CEP350: variants seen among roughly 807,000 people sequenced by gnomAD.
CEP350 encodes centrosomal protein 350, also known as centrosome-associated protein 350.
A neutral mutation model predicts 331.8 loss-of-function variants in CEP350; 126 were observed. The ratio of observed to expected loss-of-function variants is 0.38; its 90% CI spans 0.33 to 0.44. The LOEUF (loss-of-function observed/expected upper bound fraction) is 0.44, where lower values mean the gene tolerates loss of function less well. Among genes scored for constraint, CEP350 ranks in the 20% least tolerant of loss-of-function variants. CEP350 has a pLI of 1.00. For synonymous variants in CEP350, 1,200 were observed against 1,259.5 expected, an observed-to-expected ratio of 0.95 and a Z score of 1.00; for missense variants, 3,406 against 3,634.6, an observed-to-expected ratio of 0.94 and a Z score of 1.62.
rs568877290 is a variant in CEP350, at chr1:180,093,117, A to G, written c.7012A>G (p.Met2338Val). 28 of 1,602,442 alleles carry G rather than the reference A, an allele frequency of 1.7e-5. No homozygotes were observed. The South Asian group carries it at 3.1e-4, about 18-fold the overall frequency. The change falls in exon 34 of 38, where the codon ATG becomes GTG. Residue 2338 changes from methionine (M) to valine (V), a missense_variant. Met to Val is a conservative substitution (Grantham distance 21). Coordinates refer to ENST00000367607, the MANE Select transcript of CEP350 (RefSeq NM_014810.5). ...GAAAGAGAGACAGTCAGATCAAGAT[A>G]TGAATCATAGTCCAAACATCCAATC... ...MLKERQSDQD[M>V]NHSPNIQSGK... is the part of the protein sequence containing the mutation.
chr1:180,073,747 T>A, intron 27 of CEP350: 2 of 1,295,636 alleles, frequency 1.5e-6, no homozygotes, highest in Non-Finnish European at 2.0e-6. Flanking sequence ...TCCTGCCTCT[T>A]GATCTCTTGT....
At position 179,987,291 on chromosome 1, in the gene CEP350, G is replaced by T; in HGVS notation, c.120+5G>T. 6.6e-7 allele frequency: 1 copy of T among 1,519,320 alleles called. No individual in the cohort carries two copies. The highest frequency in any genetic ancestry group is 1.8e-5 in the Admixed American group (1 of 56,918). The allele number at this position is 1,519,320 out of a possible 1,614,324, so 94.1% of individuals were successfully genotyped here. On this transcript the variant is annotated splice_donor_5th_base_variant and intron_variant, in intron 3 of 37. Coordinates refer to ENST00000367607, the MANE Select transcript of CEP350 (RefSeq NM_014810.5). ...CTTTCTCAAACCAAGGCTGCTGTAA[G>T]TAGTTTTAGCTTCCATTTATTTATT...
At chr1:180,010,125 A>AT (rs1301866820) in intron 8 of CEP350, among the ~76,000 whole-genome samples, 2 of 152,052 alleles carry the variant, frequency 1.3e-5, no homozygotes, top group African/African-American at 4.8e-5. Flanking sequence ...TATATGTAAA[A>AT]TTTCATTGGT....
intron 10 of CEP350, among the ~76,000 whole-genome samples, chr1:180,014,758 T>C (rs1423831256): frequency 1.3e-5 from 2 of 152,218 alleles, no homozygotes; most frequent in Non-Finnish European, 2.9e-5. Context: ...GTTACATCCC[T>C]GCATAGTTTT....
In CEP350 at chr1:179,991,013, T is replaced by C. The variant is rs116436395; in HGVS notation, c.235+392T>C. 4.0e-3 allele frequency among the ~76,000 whole-genome samples: 613 copies of C among 152,316 alleles called. 3 individuals are homozygous for C. The highest frequency in any genetic ancestry group is 0.014 in the African/African-American group (581 of 41,560). Reference sequence around the variant, plus strand: ...CAGCCTCATGTTCAGTAACCGTAGATGGTGTTTTCACCATCTTTTGACCAG... The same window carrying C: ...CAGCCTCATGTTCAGTAACCGTAGACGGTGTTTTCACCATCTTTTGACCAG... On this transcript the variant is annotated intron_variant, in intron 4 of 37. Coordinates refer to ENST00000367607, the MANE Select transcript of CEP350 (RefSeq NM_014810.5).
intron 33 of CEP350, among the ~76,000 whole-genome samples, chr1:180,091,567 A>G (rs1660199673): frequency 6.6e-6 from 1 of 152,164 alleles, no homozygotes; most frequent in African/African-American, 2.4e-5. Context: ...GCAGCAGCTC[A>G]CGCCTATAAT....
At chr1:180,078,732 G>A in intron 29 of CEP350, 58 bp downstream of exon 29, 1 of 1,394,642 alleles carries the variant, frequency 7.2e-7, no homozygotes, top group Non-Finnish European at 9.8e-7. Flanking sequence ...TGAAAGGTAT[G>A]TTAGCAGTTA....
chr1:180,011,495 A>C (rs1317809806), intron 8 of CEP350, among the ~76,000 whole-genome samples: 1 of 152,104 alleles, frequency 6.6e-6, no homozygotes, highest in Non-Finnish European at 1.5e-5. Flanking sequence ...GCTGGAGTGC[A>C]GTGGGGTGCG....
intron 16 of CEP350, 63 bp from the exon 17 acceptor site, chr1:180,036,862 AT>A (rs1656386148): frequency 7.0e-7 from 1 of 1,421,664 alleles, no homozygotes; most frequent in African/African-American, 1.5e-5. Context: ...AAAATGACAG[AT>A]TTTAGAAATC....
At chr1:180,078,733 T>C in intron 29 of CEP350, 59 bp downstream of exon 29, 1 of 1,384,744 alleles carries the variant, frequency 7.2e-7, no homozygotes, top group Non-Finnish European at 9.9e-7. Flanking sequence ...GAAAGGTATG[T>C]TAGCAGTTAT....
At chr1:180,040,473 T>TG (rs982428275) in intron 17 of CEP350, among the ~76,000 whole-genome samples, 71 of 151,544 alleles carry the variant, frequency 4.7e-4, no homozygotes, top group Middle Eastern at 3.4e-3. Context: ...AAAATAGAGG[T>TG]GGGGGGGTCT....
intron 11 of CEP350, among the ~76,000 whole-genome samples, chr1:180,019,482 G>A (rs942491788): frequency 6.6e-6 from 1 of 152,102 alleles, no homozygotes; most frequent in African/African-American, 2.4e-5. Flanking sequence ...GTAAATATTT[G>A]TTGATTAGAA....
intron 1 of CEP350, among the ~76,000 whole-genome samples, chr1:179,984,650 T>C (rs1260328232): frequency 7.2e-5 from 11 of 152,226 alleles, no homozygotes; most frequent in African/African-American, 2.7e-4. Context: ...GGGAGAATAA[T>C]TAATTTCCAC....
chr1:180,107,438 G>A (rs895516001), intron 37 of CEP350, among the ~76,000 whole-genome samples: 1 of 152,208 alleles, frequency 6.6e-6, no homozygotes, highest in South Asian at 2.1e-4. Flanking sequence ...GGAGGCCGGG[G>A]CAGATGGATC....
At chr1:179,980,496 A>G (rs1273204494) in intron 1 of CEP350, among the ~76,000 whole-genome samples, 3 of 151,938 alleles carry the variant, frequency 2.0e-5, no homozygotes, top group African/African-American at 4.8e-5. Flanking sequence ...AACAGGGACT[A>G]TTTGACTTCC....
chr1:180,015,775 A>G (rs1246883797), intron 10 of CEP350, 74 bp from the exon 11 acceptor site: 3 of 1,506,400 alleles, frequency 2.0e-6, no homozygotes, highest in South Asian at 2.6e-5. Context: ...AGGTGACTTA[A>G]TGTTTAACTT....
chr1:180,073,566 T>C (rs1243331892), intron 27 of CEP350, among the ~76,000 whole-genome samples: 1 of 152,194 alleles, frequency 6.6e-6, no homozygotes, highest in African/African-American at 2.4e-5. Flanking sequence ...AAGCAACATA[T>C]GAGAAGAAAG....
intron 32 of CEP350, among the ~76,000 whole-genome samples, chr1:180,088,854 T>TTAG (rs1276919398): frequency 6.6e-6 from 1 of 152,082 alleles, no homozygotes; most frequent in Non-Finnish European, 1.5e-5. Flanking sequence ...GCTGCTGCTA[T>TTAG]TATTATTATT....
At position 180,093,015 on chromosome 1, in the gene CEP350, C is replaced by T. The variant is rs1660287153; in HGVS notation, c.6910C>T (p.Pro2304Ser). 1.2e-6 allele frequency: 2 copies of T among 1,604,652 alleles called. No homozygotes were observed. Among genetic ancestry groups the T allele is most frequent in the African/African-American group, 1.3e-5 (1 of 74,768 alleles). The stretch of plus-strand genomic sequence containing the variant: ...TGAAATTCTTTCAAAGAAAGATCTT[C>T]CTTTAGATTCTGAAAATGTTCAGAA... ...SSEILSKKDL[P>S]LDSENVQKDL... The change falls in exon 34 of 38, where the codon CCT becomes TCT. Residue 2304 changes from proline to serine, a missense_variant. By Grantham distance (74) the Pro-to-Ser change is moderately conservative. Around this residue, in one of 5 missense-constraint regions of CEP350, gnomAD observed 1,415 missense variants for 1,512.3 expected, o/e 0.94. Coordinates refer to ENST00000367607, the MANE Select transcript of CEP350 (RefSeq NM_014810.5).
Sources: allele counts gnomAD v4.1 joint callset (sites outside exome capture counted in the v4.1 genomes callset), GRCh38; gene constraint gnomAD v4.1.1; regional missense constraint gnomAD v4.1.1; transcripts MANE v1.5; gene names NCBI Gene and HGNC (gene_info 2026-07-23, HGNC 2026-07-21).